The following SCOC variants were observed in gnomAD, a reference collection of about 807,000 sequenced individuals.
SCOC encodes short coiled-coil protein.
SCOC carries 7 observed loss-of-function variants against 9.9 expected under a neutral mutation model. The observed-to-expected ratio is 0.71, with a 90% confidence interval of 0.40 to 1.33. The LOEUF (loss-of-function observed/expected upper bound fraction) is 1.33, where lower values mean the gene tolerates loss of function less well. Among genes scored for constraint, SCOC ranks in the 40% most tolerant of loss-of-function variants. SCOC has a pLI of 0.01. For missense variants in SCOC, 66 were observed against 89.7 expected, an observed-to-expected ratio of 0.74 and a Z score of 1.07; for synonymous variants, 19 against 28.2, an observed-to-expected ratio of 0.67 and a Z score of 1.03.
chr4:140,359,471 C>T (rs1407909115), intron 2 of SCOC, among the ~76,000 whole-genome samples: 1 of 152,016 alleles, frequency 6.6e-6, no homozygotes, highest in Non-Finnish European at 1.5e-5. Context: ...AGTCACACAG[C>T]GTCACTTCCA....
At chr4:140,366,899 A>G in intron 2 of SCOC, 2 of 657,644 alleles carry the variant, frequency 3.0e-6, no homozygotes, top group Non-Finnish European at 5.5e-6. Flanking sequence ...GGCCAGGTGC[A>G]TTCTTTTATA....
At chr4:140,348,550 A>G (rs1246406462) in intron 2 of SCOC, among the ~76,000 whole-genome samples, 4 of 108,290 alleles carry the variant, frequency 3.7e-5, no homozygotes, top group South Asian at 5.7e-4. Flanking sequence ...ATGTATATAT[A>G]TGTGTGTATA....
At chr4:140,365,169 T>C (rs1467476703) in intron 2 of SCOC, among the ~76,000 whole-genome samples, 3 of 44,684 alleles carry the variant, frequency 6.7e-5, no homozygotes, top group Non-Finnish European at 1.2e-4. Flanking sequence ...GATATGGATA[T>C]GGCAAAAAAA....
At position 140,346,526 on chromosome 4, in the gene SCOC, T is replaced by C. The variant is rs1226322812; in HGVS notation, c.70+2818T>C. Among the ~76,000 whole-genome samples the C allele has an allele frequency of 2.6e-5, 4 of 152,190 alleles. No homozygotes were observed. The East Asian group carries it at 7.7e-4, about 29-fold the overall frequency. On this transcript the variant is annotated intron_variant, in intron 2 of 4. Transcript: ENST00000338517. Reference sequence around the variant, plus strand: ...GAAGGCGAGAGAAAGGAGAAGGAAGTTTCTACTAACTCTTGAGAAGGTTTG... The same window carrying C: ...GAAGGCGAGAGAAAGGAGAAGGAAGCTTCTACTAACTCTTGAGAAGGTTTG...
At chr4:140,278,404 A>G (rs1731031313) in intron 1 of SCOC, among the ~76,000 whole-genome samples, 1 of 151,404 alleles carries the variant, frequency 6.6e-6, no homozygotes, top group African/African-American at 2.4e-5. Flanking sequence ...GGTTCACGCC[A>G]TTCTCCTGCC....
chr4:140,379,482 A>G (rs1728480069), intron 2 of SCOC, 87 bp from the exon 3 acceptor site: 1 of 968,206 alleles, frequency 1.0e-6, no homozygotes, highest in Admixed American at 2.2e-5. Context: ...AAGAATGAAT[A>G]TAAAACATTT....
chr4:140,366,354 G>A (rs558313485), intron 2 of SCOC: 1 of 1,257,010 alleles, frequency 8.0e-7, no homozygotes, highest in East Asian at 2.4e-5. Context: ...AAGCTTCTAA[G>A]CTGGAGCCTT....
intron 1 of SCOC, among the ~76,000 whole-genome samples, chr4:140,329,965 A>G (rs1008622821): frequency 6.6e-6 from 1 of 152,200 alleles, no homozygotes; most frequent in Non-Finnish European, 1.5e-5. Context: ...ATCTACCCAG[A>G]GGAAAAGAAG....
rs186868133 is a variant in SCOC, at chr4:140,321,193, G to T, written c.-18-22428G>T. On this transcript the variant is annotated intron_variant, in intron 1 of 4. Transcript: ENST00000394205. ...ATTAACACAAATTCCCACATTAAAA[G>T]TCTAGCAGAAGGAAAGGCATGCTCA... is the stretch of plus-strand genomic sequence containing the variant. Among the ~76,000 whole-genome samples the T allele has an allele frequency of 3.3e-3, 505 of 152,234 alleles. 4 individuals are homozygous for T. Among genetic ancestry groups the T allele is most frequent in the African/African-American group, 0.011 (477 of 41,558 alleles).
At chr4:140,368,422 T>C (rs1188280049) in intron 2 of SCOC, among the ~76,000 whole-genome samples, 1 of 152,210 alleles carries the variant, frequency 6.6e-6, no homozygotes, top group Admixed American at 6.5e-5. Context: ...AAATTCATCT[T>C]GTACAACCAG....
In SCOC at chr4:140,366,249, G is replaced by T; in HGVS notation, c.71-12872G>T. 7.4e-6 allele frequency: 9 copies of T among 1,216,266 alleles called. No individual in the cohort carries two copies. In the South Asian group the frequency reaches 1.1e-4, roughly 15 times the overall value. The allele number at this position is 1,216,266 out of a possible 1,614,324, so 75.3% of individuals were successfully genotyped here. A position where few individuals can be genotyped will look rare whatever the true frequency, so the allele number is the denominator to read the frequency against. On this transcript the variant is annotated intron_variant, in intron 2 of 4. Transcript: ENST00000338517. Reference sequence around the variant, plus strand: ...TCTAATCACCTCTTTCTTGCCAAACGCTTTTGGAGCAGGTGCTTTCTGGGC... The same window carrying T: ...TCTAATCACCTCTTTCTTGCCAAACTCTTTTGGAGCAGGTGCTTTCTGGGC...
intron 1 of SCOC, among the ~76,000 whole-genome samples, chr4:140,375,093 G>A (rs915089372): frequency 2.0e-5 from 3 of 152,184 alleles, no homozygotes; most frequent in African/African-American, 7.2e-5. Context: ...GACAATAGTT[G>A]TGGTGGAATG....
intron 1 of SCOC, among the ~76,000 whole-genome samples, chr4:140,377,757 ATG>A (rs1306639785): frequency 5.9e-5 from 9 of 152,208 alleles, no homozygotes; most frequent in East Asian, 1.9e-4. Flanking sequence ...CTGTGAGAGA[ATG>A]TGTAATACAC....
Position 140,362,277 on chromosome 4 carries a change from A to ACTT in SCOC, c.71-16822_71-16820dup, listed in dbSNP as rs1305620519. The stretch of plus-strand genomic sequence containing the variant: ...ACCGGCTAAAGACAGGTGTGTCCTT[A>ACTT]CTTCTTCTTCTTCTTCTTCTTCTTT... On this transcript the variant is annotated intron_variant, in intron 2 of 4. Coordinates refer to the SCOC transcript ENST00000338517. Among the ~76,000 whole-genome samples the ACTT allele has an allele frequency of 9.4e-4, 11 of 11,684 alleles. 1 individual carries two copies. The highest frequency in any genetic ancestry group is 4.6e-3 in the Admixed American group (5 of 1,080). 7.7% of individuals were successfully genotyped at this position (11,684 alleles called of 152,430 possible).
At chr4:140,273,851 A>G (rs1730917785) in intron 1 of SCOC, among the ~76,000 whole-genome samples, 1 of 152,240 alleles carries the variant, frequency 6.6e-6, no homozygotes, top group African/African-American at 2.4e-5. Flanking sequence ...CCCCAATCAA[A>G]AGTGTAACAG....
At chr4:140,296,122 C>G (rs1731629939) in intron 1 of SCOC, among the ~76,000 whole-genome samples, 1 of 152,058 alleles carries the variant, frequency 6.6e-6, no homozygotes, top group African/African-American at 2.4e-5. Flanking sequence ...CTCACTGCTC[C>G]AGGCACGTTG....
At chr4:140,269,387 G>C (rs557609823) in intron 1 of SCOC, among the ~76,000 whole-genome samples, 2 of 152,178 alleles carry the variant, frequency 1.3e-5, no homozygotes, top group Admixed American at 1.3e-4. Context: ...CTTTCGTAGA[G>C]CCCTAAGCTG....
chr4:140,318,415 C>A (rs545894941), intron 1 of SCOC, among the ~76,000 whole-genome samples: 1 of 107,448 alleles, frequency 9.3e-6, no homozygotes, highest in African/African-American at 4.7e-5. Context: ...AAAAAGTGGG[C>A]GAGGGACATG....
intron 1 of SCOC, chr4:140,257,525 C>T (rs987806922): frequency 1.3e-5 from 2 of 152,188 alleles, no homozygotes; most frequent in African/African-American, 4.8e-5. Flanking sequence ...CAATCTGTGT[C>T]TCTGTTCTTC....
Sources: allele counts gnomAD v4.1 joint callset (sites outside exome capture counted in the v4.1 genomes callset), GRCh38; gene constraint gnomAD v4.1.1; transcripts MANE v1.5; gene names NCBI Gene and HGNC (gene_info 2026-07-23, HGNC 2026-07-21).